The following NINL variants were observed in gnomAD, a reference collection of about 807,000 sequenced individuals.
NINL encodes ninein like.
In NINL, 153 loss-of-function variants were observed where a neutral mutation model predicts 160.3. The ratio of observed to expected loss-of-function variants is 0.95; its 90% CI spans 0.84 to 1.09. The LOEUF is 1.09. Among genes scored for constraint, NINL ranks in the 50% least tolerant of loss-of-function variants. NINL has a pLI of 0.00. For synonymous variants in NINL, 800 were observed against 734.8 expected (o/e 1.09, Z -1.43); for missense variants, 1,829 against 1,764.0 (o/e 1.04, Z -0.66).
chr20:25,476,089 C>T lies in NINL; in HGVS notation c.3202G>A (p.Val1068Ile), dbSNP rs199894600. 1.3e-5 allele frequency: 21 copies of T among 1,613,866 alleles called. No individual in the cohort carries two copies. The highest frequency in any genetic ancestry group is 1.6e-5 in the Non-Finnish European group (19 of 1,179,840). The change falls in exon 17 of 24, where the codon GTC (valine) becomes ATC (isoleucine). Residue 1068 changes from valine to isoleucine, a missense_variant. Physicochemically the swap from Val to Ile is conservative, Grantham distance 29. Transcript: ENST00000278886. ...METKLLHLED[V>I]VRALEKHVDL... is the part of the protein sequence containing the mutation. ...ACATGTTTCTCCAGAGCCCGGACGA[C>T]GTCTTCCAGATGTAGAAGTTTGGTT...
At chr20:25,472,978 T>C (rs1057101917) in intron 17 of NINL, among the ~76,000 whole-genome samples, 3 of 152,058 alleles carry the variant, frequency 2.0e-5, no homozygotes, top group African/African-American at 7.3e-5. Context: ...CAAATGCCCA[T>C]CAACAGGAGA....
intron 5 of NINL, among the ~76,000 whole-genome samples, chr20:25,508,021 A>C (rs1650344862): frequency 4.6e-5 from 7 of 152,108 alleles, no homozygotes; most frequent in Admixed American, 4.6e-4. Context: ...TGGGTGAAAA[A>C]CAGCCTCCTG....
intron 5 of NINL, among the ~76,000 whole-genome samples, chr20:25,510,296 A>AG (rs2064043742): frequency 6.6e-6 from 1 of 152,262 alleles, no homozygotes; most frequent in Non-Finnish European, 1.5e-5. Flanking sequence ...CGTGCCAGGA[A>AG]GGAGGTGCAG....
chr20:25,573,610 G>A (rs922807908), intron 1 of NINL, among the ~76,000 whole-genome samples: 13 of 152,186 alleles, frequency 8.5e-5, no homozygotes, highest in Admixed American at 8.5e-4. Flanking sequence ...ATTCAGAATT[G>A]CCTGTCAACC....
rs1442916911 is a variant in NINL at position 25,476,121 on chromosome 20, T to A, written c.3170A>T (p.Asp1057Val). 6.2e-7 allele frequency: 1 copy of A among 1,614,206 alleles called. No individual in the cohort carries two copies. The highest frequency in any genetic ancestry group is 1.3e-5 in the African/African-American group (1 of 75,066). The change falls in exon 17 of 24, where the codon GAC becomes GTC. Residue 1057 changes from aspartate (D) to valine (V), a missense_variant. Asp to Val is a radical substitution (Grantham distance 152). Transcript: ENST00000278886. ...CAGATGTAGAAGTTTGGTTTCCATG[T>A]CATCCTTCTCTCTCTCCAGCGCTAT... ...TKIALEREKDDMETKLLHLED... is the reference protein window; with the variant it reads ...TKIALEREKDVMETKLLHLED...
chr20:25,517,669 C>G, intron 3 of NINL, 84 bp downstream of exon 3: 1 of 1,059,944 alleles, frequency 9.4e-7, no homozygotes, highest in Non-Finnish European at 1.4e-6. Context: ...GTTTTCAGAA[C>G]TGCTGGATTC....
intron 7 of NINL, among the ~76,000 whole-genome samples, chr20:25,503,002 G>A (rs554572984): frequency 5.3e-5 from 8 of 152,378 alleles, no homozygotes; most frequent in African/African-American, 1.4e-4. Flanking sequence ...TGGGGAGGAC[G>A]GGAGGGAGTT....
At chr20:25,494,489 C>G (rs2063708380) in intron 10 of NINL, among the ~76,000 whole-genome samples, 1 of 152,182 alleles carries the variant, frequency 6.6e-6, no homozygotes, top group Middle Eastern at 3.2e-3. Context: ...TTGCACTCCA[C>G]AGGCCCCATG....
intron 1 of NINL, among the ~76,000 whole-genome samples, chr20:25,561,490 G>A (rs1007197613): frequency 5.9e-5 from 9 of 152,098 alleles, no homozygotes; most frequent in South Asian, 2.1e-4. Flanking sequence ...CTGCCTGGCC[G>A]CCCATCGTCT....
At chr20:25,499,420 GAGA>G (rs2063823488) in intron 8 of NINL, among the ~76,000 whole-genome samples, 1 of 152,224 alleles carries the variant, frequency 6.6e-6, no homozygotes, top group Admixed American at 6.5e-5. Context: ...AAATGGGAAA[GAGA>G]ATAAGTTCTG....
chr20:25,496,528 AC>A, intron 10 of NINL, 134 bp downstream of exon 10: 1 of 1,042,678 alleles, frequency 9.6e-7, no homozygotes, highest in Non-Finnish European at 1.4e-6. Context: ...ATTCCCCCTG[AC>A]TCAGGTGAAA....
rs2090581376 is a variant in NINL at position 25,453,464 on chromosome 20, G to A, written c.4136C>T (p.Ala1379Val). Residue 1379 changes from alanine (A) to valine (V), a missense_variant, in exon 24 of 24, where the codon GCC (alanine) becomes GTC (valine). Coordinates refer to ENST00000278886, the MANE Select transcript of NINL (RefSeq NM_025176.6). ...AATAATCTGTCTTTACACAGAGAGG[G>A]CTGCGGGGGCAATCCTACTGACGAG... Reference protein sequence around the residue: ...NKLVSRIAPAALSV With the variant: ...NKLVSRIAPAVLSV The A allele has an allele frequency of 1.9e-6, 3 of 1,609,348 alleles. No homozygotes were observed. Among genetic ancestry groups the A allele is most frequent in the Non-Finnish European group, 2.5e-6 (3 of 1,177,870 alleles).
At chr20:25,545,434 T>C (rs571713351) in intron 1 of NINL, among the ~76,000 whole-genome samples, 1 of 151,982 alleles carries the variant, frequency 6.6e-6, no homozygotes, top group South Asian at 2.1e-4. Context: ...CATTGGCATG[T>C]CCTCATGTAT....
intron 17 of NINL, 69 bp downstream of exon 17, chr20:25,475,972 CAG>C (rs1157766227): frequency 4.5e-5 from 67 of 1,482,228 alleles, no homozygotes; most frequent in Non-Finnish European, 3.9e-5. Flanking sequence ...CCATTAGCAA[CAG>C]GGGTCAGTGG....
intron 1 of NINL, among the ~76,000 whole-genome samples, chr20:25,533,473 G>A (rs1330365308): frequency 6.6e-6 from 1 of 152,082 alleles, no homozygotes; most frequent in Non-Finnish European, 1.5e-5. Flanking sequence ...GACAAGGAAA[G>A]CTCCTATAAA....
chr20:25,466,979 G>A (rs935175630), intron 19 of NINL, among the ~76,000 whole-genome samples: 1 of 152,216 alleles, frequency 6.6e-6, no homozygotes, highest in Non-Finnish European at 1.5e-5. Flanking sequence ...ATGCTGGCGT[G>A]CGGCTCCCCA....
In NINL at chr20:25,480,225, G is replaced by A. The variant is rs35054550; in HGVS notation, c.1853C>T (p.Thr618Met). The A allele has an allele frequency of 3.8e-3, 6,211 of 1,613,912 alleles. 211 individuals carry two copies. The African/African-American group carries it at 0.07, about 18-fold the overall frequency. ...CTTTACCTGCTCCATCATCAGCTCC[G>A]TTTCTATACTCACTGGAGCAGAATT... is the stretch of plus-strand genomic sequence containing the variant. ...LGNSAPVSIE[T>M]ELMMEQVKEH... Residue 618 changes from threonine (T) to methionine (M), a missense_variant, in exon 15 of 24, where the codon ACG becomes ATG. Physicochemically the swap from Thr to Met is moderately conservative, Grantham distance 81. Transcript: ENST00000278886.
At position 25,476,514 on chromosome 20, in the gene NINL, A is replaced by G; in HGVS notation, c.2777T>C (p.Phe926Ser). 1 of 1,602,236 alleles carries G rather than the reference A, an allele frequency of 6.2e-7. No individual in the cohort carries two copies. Among genetic ancestry groups the G allele is most frequent in the Non-Finnish European group, 8.5e-7 (1 of 1,179,852 alleles). ...GDIVPKEPEP[F>S]GASAAGLEQP... Reference sequence around the variant, plus strand: ...CTCCAGCCCCGCTGCGCTCGCGCCGAAAGGCTCTGGCTCCTTTGGGACAAT... The same window carrying G: ...CTCCAGCCCCGCTGCGCTCGCGCCGGAAGGCTCTGGCTCCTTTGGGACAAT... Residue 926 changes from phenylalanine to serine, a missense_variant, in exon 17 of 24, where the codon TTC becomes TCC. Physicochemically the swap from Phe to Ser is radical, Grantham distance 155. Coordinates refer to ENST00000278886, the MANE Select transcript of NINL (RefSeq NM_025176.6).
At chr20:25,550,391 A>G (rs2064792346) in intron 1 of NINL, among the ~76,000 whole-genome samples, 1 of 152,238 alleles carries the variant, frequency 6.6e-6, no homozygotes, top group South Asian at 2.1e-4. Flanking sequence ...CACAAGGTGG[A>G]GACAAGAGAC....
Sources: gnomAD v4.1 joint callset for allele counts (sites outside exome capture counted in the v4.1 genomes callset) on GRCh38, gnomAD v4.1.1 for gene constraint, MANE v1.5 for transcripts, NCBI Gene and HGNC (gene_info 2026-07-23, HGNC 2026-07-21) for gene names.